The following CSMD1 variants were observed in gnomAD, a reference collection of about 807,000 sequenced individuals.
CSMD1 encodes CUB and sushi domain-containing protein 1.
Under a neutral mutation model 417.5 loss-of-function variants are expected in CSMD1, and 213 were observed. That is an observed-to-expected ratio of 0.51 (90% CI 0.46 to 0.57). CSMD1 has a LOEUF of 0.57. Ranked by LOEUF, CSMD1 falls within the 20% of genes least tolerant of loss-of-function variation. The pLI, the probability that CSMD1 is intolerant of heterozygous loss-of-function variation, is 0.00. For synonymous variants in CSMD1, 2,862 were observed against 1,736.8 expected, an observed-to-expected ratio of 1.65 and a Z score of -16.11; for missense variants, 6,923 against 4,529.7, an observed-to-expected ratio of 1.53 and a Z score of -15.17.
At chr8:4,653,392 T>A (rs1175945434) in intron 1 of CSMD1, among the ~76,000 whole-genome samples, 2 of 152,120 alleles carry the variant, frequency 1.3e-5, no homozygotes, top group Non-Finnish European at 2.9e-5. Context: ...TTTTTGTTAT[T>A]ACTAAAAATT....
intron 7 of CSMD1, 75 bp downstream of exon 7, chr8:3,708,339 G>C (rs180813896): frequency 1.6e-6 from 2 of 1,219,230 alleles, no homozygotes; most frequent in African/African-American, 1.5e-5. Context: ...GGGTGGGATC[G>C]CTTCTTAACT....
At chr8:4,395,028 G>A (rs1255974632) in intron 3 of CSMD1, among the ~76,000 whole-genome samples, 1 of 152,158 alleles carries the variant, frequency 6.6e-6, no homozygotes, top group African/African-American at 2.4e-5. Flanking sequence ...CCTCTGCGTG[G>A]CATATCCCAT....
intron 21 of CSMD1, among the ~76,000 whole-genome samples, chr8:3,355,132 T>G (rs914910551): frequency 6.6e-6 from 1 of 152,096 alleles, no homozygotes; most frequent in Admixed American, 6.6e-5. Flanking sequence ...CTTTCTACTT[T>G]GTCAAGCAAA....
At chr8:4,730,453 G>C (rs943631012) in intron 1 of CSMD1, among the ~76,000 whole-genome samples, 3 of 152,070 alleles carry the variant, frequency 2.0e-5, no homozygotes, top group African/African-American at 7.2e-5. Context: ...TAAGAATAAA[G>C]AAAATGGCCA....
intron 2 of CSMD1, among the ~76,000 whole-genome samples, chr8:4,583,839 C>T (rs562094736): frequency 5.3e-5 from 8 of 152,214 alleles, no homozygotes; most frequent in East Asian, 1.9e-4. Flanking sequence ...ACTCGTGTCC[C>T]CTTCCACACT....
intron 6 of CSMD1, among the ~76,000 whole-genome samples, chr8:3,741,213 TAAAAA>T (rs58662516): frequency 7.1e-4 from 48 of 67,260 alleles, no homozygotes; most frequent in South Asian, 3.0e-3. Flanking sequence ...GACTCCGTCT[TAAAAA>T]AAAAAAAAAA....
At chr8:3,830,889 G>A (rs775792647) in intron 5 of CSMD1, among the ~76,000 whole-genome samples, 3 of 152,208 alleles carry the variant, frequency 2.0e-5, no homozygotes, top group East Asian at 1.9e-4. Flanking sequence ...GGTTCACTAC[G>A]TTAATAAAAT....
At chr8:4,115,089 A>T (rs115481083) in intron 3 of CSMD1, among the ~76,000 whole-genome samples, 141 of 152,358 alleles carry the variant, frequency 9.3e-4, no homozygotes, top group African/African-American at 3.0e-3. Flanking sequence ...GTCAAACGGA[A>T]TTGAAACCTA....
At chr8:3,406,775 AT>A (rs1160420219) in intron 14 of CSMD1, among the ~76,000 whole-genome samples, 1 of 152,230 alleles carries the variant, frequency 6.6e-6, no homozygotes. Context: ...TCATATTAAT[AT>A]TCTCTCACTT....
chr8:4,615,227 C>T (rs1801408575), intron 2 of CSMD1, among the ~76,000 whole-genome samples: 1 of 152,148 alleles, frequency 6.6e-6, no homozygotes, highest in Non-Finnish European at 1.5e-5. Flanking sequence ...TGTGTGTACC[C>T]ATGTGAACAC....
chr8:4,482,321 C>G (rs1038632109), intron 2 of CSMD1, among the ~76,000 whole-genome samples: 2 of 152,140 alleles, frequency 1.3e-5, no homozygotes, highest in African/African-American at 4.8e-5. Context: ...ATTCAGCTCC[C>G]ATTTATAAGT....
chr8:3,041,479 A>C (rs1053065239), intron 50 of CSMD1, among the ~76,000 whole-genome samples: 2 of 152,174 alleles, frequency 1.3e-5, no homozygotes, highest in Admixed American at 1.3e-4. Flanking sequence ...AATTTTTTCT[A>C]GGCGTAATAT....
At chr8:4,389,516 A>C (rs749279011) in intron 3 of CSMD1, among the ~76,000 whole-genome samples, 1 of 152,178 alleles carries the variant, frequency 6.6e-6, no homozygotes, top group African/African-American at 2.4e-5. Context: ...AGGATAATAT[A>C]TCAGTCATAT....
intron 3 of CSMD1, among the ~76,000 whole-genome samples, chr8:4,081,356 G>C (rs1288727474): frequency 3.3e-5 from 5 of 152,148 alleles, no homozygotes; most frequent in Admixed American, 1.3e-4. Flanking sequence ...ACAGGGTATT[G>C]TGTGAATTAC....
chr8:4,812,573 T>C (rs1798970104), intron 1 of CSMD1, among the ~76,000 whole-genome samples: 1 of 152,104 alleles, frequency 6.6e-6, no homozygotes, highest in Non-Finnish European at 1.5e-5. Context: ...TTATCAATTA[T>C]ATATTAAAGT....
At chr8:4,515,313 C>T (rs532166994) in intron 2 of CSMD1, among the ~76,000 whole-genome samples, 8 of 152,054 alleles carry the variant, frequency 5.3e-5, no homozygotes, top group Non-Finnish European at 1.0e-4. Flanking sequence ...AGAGAAATAG[C>T]ACATGTAAAT....
chr8:3,745,147 A>T (rs1797005972), intron 6 of CSMD1, among the ~76,000 whole-genome samples: 1 of 152,230 alleles, frequency 6.6e-6, no homozygotes, highest in African/African-American at 2.4e-5. Flanking sequence ...TTCAAAACAA[A>T]TTTCAAAATA....
chr8:4,765,531 C>A (rs574898074), intron 1 of CSMD1, among the ~76,000 whole-genome samples: 1 of 152,070 alleles, frequency 6.6e-6, no homozygotes, highest in Non-Finnish European at 1.5e-5. Flanking sequence ...AAATGGAAGG[C>A]AAAGAAAGAA....
chr8:4,971,001 G>C (rs887581360), intron 1 of CSMD1, among the ~76,000 whole-genome samples: 6 of 152,068 alleles, frequency 3.9e-5, no homozygotes, highest in South Asian at 4.1e-4. Context: ...ATGGTCCTTT[G>C]TAGAGAAAAA....
Sources: gnomAD v4.1 joint callset for allele counts (sites outside exome capture counted in the v4.1 genomes callset) on GRCh38, gnomAD v4.1.1 for gene constraint, MANE v1.5 for transcripts, NCBI Gene and HGNC (gene_info 2026-07-23, HGNC 2026-07-21) for gene names.